The following GALNT2 variants were observed in gnomAD, a reference collection of about 807,000 sequenced individuals.
GALNT2 encodes the protein polypeptide N-acetylgalactosaminyltransferase 2, also known as UDP-GalNAc:polypeptide N-acetylgalactosaminyltransferase 2.
Under a neutral mutation model 81.4 loss-of-function variants are expected in GALNT2, and 31 were observed. The observed-to-expected ratio is 0.38, with a 90% CI of 0.29 to 0.51. GALNT2 has a LOEUF of 0.51. Ranked by LOEUF, GALNT2 falls within the 20% of genes least tolerant of loss-of-function variation. The pLI, the probability that GALNT2 is intolerant of heterozygous loss-of-function variation, is 0.87. For synonymous variants in GALNT2, 303 were observed against 287.4 expected (o/e 1.05, Z -0.55); for missense variants, 629 against 765.7 (o/e 0.82, Z 2.11).
intron 1 of GALNT2, among the ~76,000 whole-genome samples, chr1:230,115,976 C>T (rs1660832150): frequency 6.6e-6 from 1 of 152,238 alleles, no homozygotes. Flanking sequence ...GTCTCCACTT[C>T]TAGTTCTCTT....
At chr1:230,075,778 G>A (rs1296426751) in intron 1 of GALNT2, among the ~76,000 whole-genome samples, 3 of 152,170 alleles carry the variant, frequency 2.0e-5, no homozygotes, top group Non-Finnish European at 2.9e-5. Context: ...GCAGTGTATG[G>A]GGATTAGGGA....
intron 3 of GALNT2, among the ~76,000 whole-genome samples, chr1:230,211,924 T>C (rs1159310024): frequency 6.6e-6 from 1 of 152,166 alleles, no homozygotes; most frequent in East Asian, 1.9e-4. Context: ...AGGAGTCAGG[T>C]TCGGCAGGAT....
chr1:230,274,487 T>C lies in GALNT2; in HGVS notation c.1483T>C (p.Leu495=). The C allele has an allele frequency of 4.3e-6, 7 of 1,613,898 alleles. No homozygotes were observed. In the South Asian group the frequency reaches 7.7e-5, roughly 18 times the overall value. The change falls in exon 15 of 16, where the codon TTG becomes CTG. Residue 495 remains leucine (L), a synonymous_variant. Coordinates refer to ENST00000366672, the MANE Select transcript of GALNT2 (RefSeq NM_004481.5). ...GGAGAAGTCGGTGAAGCACATGGAT[T>C]TGTGCCTTACTGTGGTGGACCGGGC... ...TKEKSVKHMD[L]CLTVVDRAPG...
At chr1:230,161,678 G>A (rs1662442409) in intron 1 of GALNT2, among the ~76,000 whole-genome samples, 1 of 152,184 alleles carries the variant, frequency 6.6e-6, no homozygotes, top group South Asian at 2.1e-4. Flanking sequence ...TGACCATTGT[G>A]CCTTTGGCGG....
At chr1:230,089,444 T>C (rs1237626758) in intron 1 of GALNT2, among the ~76,000 whole-genome samples, 2 of 152,170 alleles carry the variant, frequency 1.3e-5, no homozygotes, top group Non-Finnish European at 1.5e-5. Flanking sequence ...TGAGCCGCAG[T>C]GCCCATAACC....
chr1:230,122,359 T>C (rs995563117), intron 1 of GALNT2, among the ~76,000 whole-genome samples: 6 of 152,212 alleles, frequency 3.9e-5, no homozygotes, highest in Non-Finnish European at 8.8e-5. Flanking sequence ...GAAAATCTGT[T>C]AAATAAATCC....
At chr1:230,160,107 T>C (rs749990335) in intron 1 of GALNT2, among the ~76,000 whole-genome samples, 1 of 152,190 alleles carries the variant, frequency 6.6e-6, no homozygotes, top group Non-Finnish European at 1.5e-5. Flanking sequence ...CATCATCTCA[T>C]AGTCCTTCCT....
chr1:230,212,506 G>A (rs749379073), intron 3 of GALNT2, among the ~76,000 whole-genome samples: 7 of 152,176 alleles, frequency 4.6e-5, no homozygotes, highest in Admixed American at 1.3e-4. Flanking sequence ...TGCTGATGCC[G>A]TTCAGGAAGT....
At chr1:230,130,837 G>A (rs554699258) in intron 1 of GALNT2, among the ~76,000 whole-genome samples, 5 of 152,274 alleles carry the variant, frequency 3.3e-5, no homozygotes, top group East Asian at 1.9e-4. Context: ...AAACTGGGTC[G>A]GGATGAAAGC....
intron 6 of GALNT2, among the ~76,000 whole-genome samples, chr1:230,239,659 G>A (rs1345162276): frequency 3.3e-5 from 5 of 152,180 alleles, no homozygotes; most frequent in Admixed American, 1.3e-4. Flanking sequence ...TACATGTGGC[G>A]TAATCATTGG....
At chr1:230,067,229 C>A, upstream of GALNT2, 1 of 1,180,900 alleles carries the variant, frequency 8.5e-7, no homozygotes. Flanking sequence ...CGCGGCCGGC[C>A]CAGGCAGCAC....
intron 5 of GALNT2, 57 bp from the exon 6 acceptor site, chr1:230,236,603 T>C: frequency 6.5e-7 from 1 of 1,549,730 alleles, no homozygotes; most frequent in South Asian, 1.2e-5. Context: ...TATGGTTGAA[T>C]GCAAAGCCCT....
At chr1:230,086,363 C>T (rs1232542292) in intron 1 of GALNT2, among the ~76,000 whole-genome samples, 4 of 152,060 alleles carry the variant, frequency 2.6e-5, no homozygotes, top group Non-Finnish European at 4.4e-5. Context: ...GTCATTCTGC[C>T]GGCCCTTTAT....
intron 1 of GALNT2, among the ~76,000 whole-genome samples, chr1:230,079,065 A>G (rs761220422): frequency 6.6e-6 from 1 of 152,230 alleles, no homozygotes. Context: ...CATGCTAGGC[A>G]GCTTTGCTTG....
At chr1:230,146,760 G>A (rs572154282) in intron 1 of GALNT2, among the ~76,000 whole-genome samples, 20 of 152,332 alleles carry the variant, frequency 1.3e-4, no homozygotes, top group African/African-American at 4.8e-4. Flanking sequence ...GGTGGGTGTC[G>A]TGCATGTAAG....
Position 230,241,938 on chromosome 1 carries a change from G to A in GALNT2, c.608-1368G>A, listed in dbSNP as rs540502949. 2.6e-5 allele frequency among the ~76,000 whole-genome samples: 4 copies of A among 152,300 alleles called. No homozygotes were observed. The South Asian group carries it at 6.2e-4, about 24-fold the overall frequency. On this transcript the variant is annotated intron_variant, in intron 6 of 15. Transcript: ENST00000366672. ...CTCAGTTTTTTCTGCCTTCTTAACT[G>A]TTGCTTTTCATGTTGGACTTGGTTC...
At chr1:230,148,973 T>G (rs1410334696) in intron 1 of GALNT2, among the ~76,000 whole-genome samples, 2 of 152,096 alleles carry the variant, frequency 1.3e-5, no homozygotes, top group African/African-American at 4.8e-5. Flanking sequence ...CTTGACCTCC[T>G]GGGCTCAAAT....
rs1333642983 is a variant in GALNT2, at chr1:230,280,602, AGT to A, written c.*1147_*1148del. The A allele has an allele frequency of 6.5e-6, 1 of 153,224 alleles. No individual in the cohort carries two copies. The highest frequency in any genetic ancestry group is 1.5e-5 in the Non-Finnish European group (1 of 68,748). The allele number at this position is 153,224 out of a possible 1,614,324, so 9.5% of individuals were successfully genotyped here. On this transcript the variant is annotated 3_prime_UTR_variant, in exon 16 of 16. Coordinates refer to ENST00000366672, the MANE Select transcript of GALNT2 (RefSeq NM_004481.5). ...TGGGCCTTCAGAATTAATGGCCAGC[AGT>A]GTCAGGGATGAGCCCGTCAGCCAGG...
chr1:230,195,664 C>A lies in GALNT2; in HGVS notation c.221-7473C>A, dbSNP rs1535136. ...TCCCAGGTACACCTTCTGGGGTTGC[C>A]GATGGGACTGACAAAACAGTAATGA... On this transcript the variant is annotated intron_variant, in intron 2 of 15. Transcript: ENST00000366672. Among the ~76,000 whole-genome samples, 7 of 151,912 alleles carry A rather than the reference C, an allele frequency of 4.6e-5. No individual in the cohort carries two copies. The East Asian group carries it at 9.7e-4, about 21-fold the overall frequency.
Sources: gnomAD v4.1 joint callset for allele counts (sites outside exome capture counted in the v4.1 genomes callset) on GRCh38, gnomAD v4.1.1 for gene constraint, MANE v1.5 for transcripts, NCBI Gene and HGNC (gene_info 2026-07-23, HGNC 2026-07-21) for gene names.